The following RNF220 variants were observed in gnomAD, a reference collection of about 807,000 sequenced individuals.
The protein encoded by RNF220 is ring finger protein 220, also known as E3 ubiquitin-protein ligase RNF220.
Under a neutral mutation model 67.1 loss-of-function variants are expected in RNF220, and 7 were observed. The ratio of observed to expected loss-of-function variants is 0.10; its 90% CI spans 0.06 to 0.20. The LOEUF is 0.20. Ranked by LOEUF, RNF220 falls within the 10% of genes least tolerant of loss-of-function variation. The pLI, the probability that RNF220 is intolerant of heterozygous loss-of-function variation, is 1.00. For missense variants in RNF220, 565 were observed against 740.3 expected (o/e 0.76, Z 2.75); for synonymous variants, 270 against 283.2 (o/e 0.95, Z 0.47).
chr1:44,539,212 C>A (rs1661486546), intron 2 of RNF220, among the ~76,000 whole-genome samples: 1 of 151,998 alleles, frequency 6.6e-6, no homozygotes, highest in South Asian at 2.1e-4. Context: ...CAGAGTGAGA[C>A]TCCATCTCTA....
At chr1:44,638,830 A>T (rs531014473) in intron 8 of RNF220, among the ~76,000 whole-genome samples, 4 of 152,236 alleles carry the variant, frequency 2.6e-5, no homozygotes, top group Non-Finnish European at 5.9e-5. Context: ...GGTAGGTCCC[A>T]CTGGAAACAG....
In RNF220 at chr1:44,565,532, T is replaced by C. The variant is rs1293184348; in HGVS notation, c.626-48633T>C. Among the ~76,000 whole-genome samples the C allele has an allele frequency of 6.6e-6, 1 of 152,140 alleles. No homozygotes were observed. The highest frequency in any genetic ancestry group is 1.5e-5 in the Non-Finnish European group (1 of 68,010). On this transcript the variant is annotated intron_variant, in intron 2 of 14. Coordinates refer to ENST00000361799, the MANE Select transcript of RNF220 (RefSeq NM_018150.4). This position sits in a 1 kb window ranked among gnomAD's most constrained non-coding sequence, Gnocchi z 4.2. ...CAGTGGGCCCATTCCTCAGCGCTAA[T>C]GCCCCCAGCCTAACACAATTACCCC...
At chr1:44,602,031 G>A (rs1256060925) in intron 2 of RNF220, among the ~76,000 whole-genome samples, 4 of 152,128 alleles carry the variant, frequency 2.6e-5, no homozygotes. Context: ...GTTGGGAGAA[G>A]GGAAGAGGGA....
intron 2 of RNF220, among the ~76,000 whole-genome samples, chr1:44,584,181 G>GT (rs972878175): frequency 1.3e-5 from 2 of 152,190 alleles, no homozygotes; most frequent in African/African-American, 4.8e-5. Flanking sequence ...TAGCCAGAGG[G>GT]TTACAGGAAA....
chr1:44,603,008 G>A (rs1469846146), intron 2 of RNF220, among the ~76,000 whole-genome samples: 1 of 151,928 alleles, frequency 6.6e-6, no homozygotes, highest in Non-Finnish European at 1.5e-5. Context: ...CCGCCACCCT[G>A]CGCCCATAGA....
At chr1:44,534,263 AG>A (rs1661040050) in intron 2 of RNF220, among the ~76,000 whole-genome samples, 2 of 151,764 alleles carry the variant, frequency 1.3e-5, no homozygotes, top group Non-Finnish European at 2.9e-5. Context: ...TACAGGTGTG[AG>A]CCATTGCACC....
chr1:44,650,782 TGCCCCAGG>T lies in RNF220; in HGVS notation c.*8_*15del. On this transcript the variant is annotated 3_prime_UTR_variant, in exon 15 of 15. Transcript: ENST00000361799. The surrounding 1 kb of genome is among the most constrained non-coding windows in gnomAD (Gnocchi z 4.3). ...GCGGAGGATCTACTTGTGAGCTATC[TGCCCCAGG>T]CAGGCCTCGCCTCCAGCAGCCCCAC... 1 of 1,613,236 alleles carries T rather than the reference TGCCCCAGG, an allele frequency of 6.2e-7. No individual in the cohort carries two copies. The highest frequency in any genetic ancestry group is 8.5e-7 in the Non-Finnish European group (1 of 1,179,936).
At chr1:44,442,801 G>A (rs1475648207) in intron 2 of RNF220, among the ~76,000 whole-genome samples, 1 of 152,120 alleles carries the variant, frequency 6.6e-6, no homozygotes, top group East Asian at 1.9e-4. Context: ...ACAGGCATGA[G>A]CCACCATGCC....
At chr1:44,422,996 C>T (rs1274469838) in intron 2 of RNF220, among the ~76,000 whole-genome samples, 2 of 152,154 alleles carry the variant, frequency 1.3e-5, no homozygotes, top group Non-Finnish European at 2.9e-5. Flanking sequence ...AGGCACCATG[C>T]GAGGTACTGG....
chr1:44,550,890 A>G (rs1391163091), intron 2 of RNF220, among the ~76,000 whole-genome samples: 2 of 151,898 alleles, frequency 1.3e-5, no homozygotes, highest in Non-Finnish European at 2.9e-5. Flanking sequence ...CACCACCCCC[A>G]TGTGTCTGGT....
chr1:44,571,004 G>A (rs1664403933), intron 2 of RNF220, among the ~76,000 whole-genome samples: 1 of 151,646 alleles, frequency 6.6e-6, no homozygotes, highest in African/African-American at 2.4e-5. Flanking sequence ...AACCCAGGAG[G>A]CAGAGGTTGC....
chr1:44,537,438 C>CA (rs772060966), intron 2 of RNF220, among the ~76,000 whole-genome samples: 39 of 150,574 alleles, frequency 2.6e-4, no homozygotes, highest in Admixed American at 8.6e-4. Context: ...ACACCTTCTA[C>CA]AAAAAAAAAT....
chr1:44,518,051 G>C (rs1659595162), intron 2 of RNF220, among the ~76,000 whole-genome samples: 1 of 152,222 alleles, frequency 6.6e-6, no homozygotes, highest in Non-Finnish European at 1.5e-5. Flanking sequence ...AGGTTGCATT[G>C]AGTGGAGATC....
intron 2 of RNF220, among the ~76,000 whole-genome samples, chr1:44,596,725 C>T (rs1368535335): frequency 1.3e-5 from 2 of 152,158 alleles, no homozygotes; most frequent in Non-Finnish European, 2.9e-5. Flanking sequence ...ACCTGGCTGG[C>T]CCAGGGAGGA....
intron 2 of RNF220, among the ~76,000 whole-genome samples, chr1:44,579,337 C>G (rs1665068001): frequency 6.6e-6 from 1 of 152,164 alleles, no homozygotes; most frequent in Non-Finnish European, 1.5e-5. Context: ...ACCGAGGAGT[C>G]TGAGCAAAGA....
chr1:44,485,231 C>G (rs776670546), intron 2 of RNF220, among the ~76,000 whole-genome samples: 14 of 152,314 alleles, frequency 9.2e-5, no homozygotes, highest in Non-Finnish European at 1.6e-4. Context: ...TGAAGAGATG[C>G]AAACAGCATT....
chr1:44,550,597 T>C (rs949794180), intron 2 of RNF220, among the ~76,000 whole-genome samples: 9 of 152,144 alleles, frequency 5.9e-5, no homozygotes, highest in African/African-American at 2.2e-4. Flanking sequence ...AAGGTTGCTT[T>C]CCATCCTTAC....
chr1:44,412,222 G>T lies in RNF220; in HGVS notation c.125G>T (p.Cys42Phe). 1 of 1,614,154 alleles carries T rather than the reference G, an allele frequency of 6.2e-7. No homozygotes were observed. The highest frequency in any genetic ancestry group is 2.2e-5 in the East Asian group (1 of 44,866). The change falls in exon 2 of 15, where the codon TGT (cysteine) becomes TTT (phenylalanine). Residue 42 changes from cysteine to phenylalanine, a missense_variant. Coordinates refer to ENST00000361799, the MANE Select transcript of RNF220 (RefSeq NM_018150.4). This position sits in a 1 kb window ranked among gnomAD's most constrained non-coding sequence, Gnocchi z 5.3. ...AEASRDASIPCQQPRPFGVPV... is the reference protein window; with the variant it reads ...AEASRDASIPFQQPRPFGVPV... Reference sequence around the variant, plus strand: ...GCCAGCCGTGATGCTTCCATCCCTTGTCAGCAGCCACGACCCTTTGGTGTA... The same window carrying T: ...GCCAGCCGTGATGCTTCCATCCCTTTTCAGCAGCCACGACCCTTTGGTGTA...
At chr1:44,486,261 T>C (rs1249307667) in intron 2 of RNF220, among the ~76,000 whole-genome samples, 1 of 152,088 alleles carries the variant, frequency 6.6e-6, no homozygotes, top group Non-Finnish European at 1.5e-5. Flanking sequence ...CCTGTCCCAA[T>C]TTTGTCCTCA....
Sources: allele counts gnomAD v4.1 joint callset (sites outside exome capture counted in the v4.1 genomes callset), GRCh38; gene constraint gnomAD v4.1.1; non-coding constraint Gnocchi (gnomAD v3.1); transcripts MANE v1.5; gene names NCBI Gene and HGNC (gene_info 2026-07-23, HGNC 2026-07-21).